MUC5AC: variants seen among roughly 807,000 people sequenced by gnomAD.
MUC5AC encodes the protein mucin 5AC, oligomeric mucus/gel-forming, also known as mucin-5AC.
A neutral mutation model predicts 169.7 loss-of-function variants in MUC5AC; 158 were observed. The ratio of observed to expected loss-of-function variants is 0.93; its 90% confidence interval spans 0.82 to 1.06. The LOEUF is 1.06. MUC5AC is among the 50% of genes least tolerant of loss of function. The pLI, the probability that MUC5AC is intolerant of heterozygous loss-of-function variation, is 0.00. For missense variants in MUC5AC, 4,359 were observed against 3,089.9 expected (o/e 1.41, Z -9.74); for synonymous variants, 1,975 against 1,237.0 (o/e 1.60, Z -12.52).
Position 1,190,886 on chromosome 11 carries a change from C to CAGCA in MUC5AC, c.12742_12745dup (p.Thr4249LysfsTer65). 1.4e-6 allele frequency: 1 copy of CAGCA among 740,346 alleles called. No homozygotes were observed. The highest frequency in any genetic ancestry group is 2.5e-6 in the Non-Finnish European group (1 of 406,040). The allele number at this position is 740,346 out of a possible 1,614,324, so 45.9% of individuals were successfully genotyped here. A position where few individuals can be genotyped will look rare whatever the true frequency, so the allele number is the denominator to read the frequency against. ...CCAGCACAACTTCTGCTCCTACAAC[C>CAGCA]AGCACAACCTCTGGTCCTGGAACTA... On this transcript the variant is annotated frameshift_variant, in exon 31 of 49. Coordinates refer to ENST00000621226, the MANE Select transcript of MUC5AC (RefSeq NM_001304359.2). LOFTEE classifies it high-confidence loss of function.
At chr11:1,192,598 G>T in intron 31 of MUC5AC, 73 bp downstream of exon 31, 1 of 732,352 alleles carries the variant, frequency 1.4e-6, no homozygotes, top group Non-Finnish European at 2.5e-6. Context: ...ACGCCAAGCT[G>T]TGATGATGAT....
At position 1,168,785 on chromosome 11, in the gene MUC5AC, AGGGCTGCCTTCT is replaced by A; in HGVS notation, c.1705+12_1705+23del. The A allele has an allele frequency of 6.3e-7, 1 of 1,593,456 alleles. No individual in the cohort carries two copies. The highest frequency in any genetic ancestry group is 1.1e-5 in the South Asian group (1 of 89,748). ...GCTCCGTGGGCAGACCTGCGGTAAG[AGGGCTGCCTTCT>A]GGGCTTGGAGCCCACCCACTCTGGC... On this transcript the variant is annotated splice_region_variant and intron_variant, in intron 14 of 48. Coordinates refer to ENST00000621226, the MANE Select transcript of MUC5AC (RefSeq NM_001304359.2).
chr11:1,180,225 T>G (rs1211076130), intron 27 of MUC5AC, 75 bp downstream of exon 27: 2 of 398,394 alleles, frequency 5.0e-6, no homozygotes, highest in African/African-American at 4.1e-5. Flanking sequence ...GAGGAGCCTC[T>G]GTGGCCCCAG....
In MUC5AC at chr11:1,194,639, C is replaced by T. The variant is rs1861213453; in HGVS notation, c.15159C>T (p.Ser5053=). ...GLIFSVEVPF[S]KFANNTEGQC... is the part of the protein sequence containing the mutation. ...TCTTCTCCGTGGAGGTGCCCTTCAG[C>T]AAGTTTGCCAACAACACCGAGGGCC... The change falls in exon 35 of 49, where the codon AGC becomes AGT. Residue 5053 remains serine (S), a synonymous_variant. Coordinates refer to ENST00000621226, the MANE Select transcript of MUC5AC (RefSeq NM_001304359.2). 3.9e-6 allele frequency: 3 copies of T among 763,280 alleles called. No individual in the cohort carries two copies. The highest frequency in any genetic ancestry group is 3.4e-5 in the African/African-American group (2 of 59,090). 47.3% of individuals were successfully genotyped at this position (763,280 alleles called of 1,614,324 possible). A position where few individuals can be genotyped will look rare whatever the true frequency, so the allele number is the denominator to read the frequency against.
At position 1,190,588 on chromosome 11, in the gene MUC5AC, GTCCTACAACCAGCACAACCTTGGC is replaced by G. The variant is rs1484042279; in HGVS notation, c.12464_12487del (p.Leu4155_Thr4162del). On this transcript the variant is annotated inframe_deletion, in exon 31 of 49. Coordinates refer to ENST00000621226, the MANE Select transcript of MUC5AC (RefSeq NM_001304359.2). Reference sequence around the variant, plus strand: ...GCTCCTACACACAGAACGACTTCTGGTCCTACAACCAGCACAACCTTGGCTCCTACAACCAGCACAACCTCTGCT... The same window carrying G: ...GCTCCTACACACAGAACGACTTCTGGTCCTACAACCAGCACAACCTCTGCT... 9.7e-5 allele frequency: 65 copies of G among 672,602 alleles called. No homozygotes were observed. Among genetic ancestry groups the G allele is most frequent in the Middle Eastern group, 7.1e-4 (3 of 4,230 alleles). The allele number at this position is 672,602 out of a possible 1,614,324, so 41.7% of individuals were successfully genotyped here.
intron 3 of MUC5AC, 104 bp downstream of exon 3, chr11:1,161,690 T>A: frequency 7.4e-7 from 1 of 1,355,196 alleles, no homozygotes; most frequent in Non-Finnish European, 1.0e-6. Flanking sequence ...GCTTTCCGGG[T>A]GAACACTGGG....
In MUC5AC at chr11:1,189,792, C is replaced by T. The variant is rs1246742752; in HGVS notation, c.11647C>T (p.His3883Tyr). The change falls in exon 31 of 49, where the codon CAT becomes TAT. Residue 3883 changes from histidine to tyrosine, a missense_variant. By Grantham distance (83) the His-to-Tyr change is moderately conservative. Coordinates refer to ENST00000621226, the MANE Select transcript of MUC5AC (RefSeq NM_001304359.2). Reference sequence around the variant, plus strand: ...CCCTACAACCAGCACAACCTCTTTCCATACAACCAGCACAACCTCTCCCCC... The same window carrying T: ...CCCTACAACCAGCACAACCTCTTTCTATACAACCAGCACAACCTCTCCCCC... ...SAPTTSTTSFHTTSTTSPPTS... is the reference protein window; with the variant it reads ...SAPTTSTTSFYTTSTTSPPTS... 4.2e-6 allele frequency: 3 copies of T among 712,168 alleles called. No homozygotes were observed. In the African/African-American group the frequency reaches 5.2e-5, roughly 12 times the overall value. The allele number at this position is 712,168 out of a possible 1,614,324, so 44.1% of individuals were successfully genotyped here.
chr11:1,185,222 C>A lies in MUC5AC; in HGVS notation c.7077C>A (p.Ala2359=). The A allele has an allele frequency of 1.4e-6, 1 of 720,660 alleles. No individual in the cohort carries two copies. Among genetic ancestry groups the A allele is most frequent in the Admixed American group, 1.9e-5 (1 of 52,476 alleles). 44.6% of individuals were successfully genotyped at this position (720,660 alleles called of 1,614,324 possible). A position where few individuals can be genotyped will look rare whatever the true frequency, so the allele number is the denominator to read the frequency against. ...SPVPTTSITS[A]PTTSTTSAPT... ...TTCCTACCACCAGCATAACCTCTGCCCCTACAACCAGCACAACCTCTGCTC... is the reference window on the plus strand; with the variant it reads ...TTCCTACCACCAGCATAACCTCTGCACCTACAACCAGCACAACCTCTGCTC... The change falls in exon 31 of 49, where the codon GCC becomes GCA. Residue 2359 remains alanine (A), a synonymous_variant. Transcript: ENST00000621226.
At chr11:1,178,927 T>A (rs1860747672) in intron 25 of MUC5AC, among the ~76,000 whole-genome samples, 165 bp from the exon 26 acceptor site, 1 of 152,006 alleles carries the variant, frequency 6.6e-6, no homozygotes, top group Non-Finnish European at 1.5e-5. Flanking sequence ...CCCCAGGCAC[T>A]GTGGATATCC....
chr11:1,185,910 A>G lies in MUC5AC; in HGVS notation c.7765A>G (p.Thr2589Ala). The change falls in exon 31 of 49, where the codon ACC becomes GCC. Residue 2589 changes from threonine to alanine, a missense_variant. Physicochemically the swap from Thr to Ala is moderately conservative, Grantham distance 58. Coordinates refer to ENST00000621226, the MANE Select transcript of MUC5AC (RefSeq NM_001304359.2). ...AACCTCTGCTCCTACAACCAGCACA[A>G]CCTCTGGTCCTGGAACTACTCCCAG... ...STTSAPTTST[T>A]SGPGTTPSAV... The G allele has an allele frequency of 1.3e-6, 1 of 745,892 alleles. No individual in the cohort carries two copies. Among genetic ancestry groups the G allele is most frequent in the Non-Finnish European group, 2.4e-6 (1 of 408,726 alleles). The allele number at this position is 745,892 out of a possible 1,614,324, so 46.2% of individuals were successfully genotyped here.
chr11:1,170,820 CCCAT>C (rs1860491098), intron 15 of MUC5AC, among the ~76,000 whole-genome samples: 1 of 150,272 alleles, frequency 6.7e-6, no homozygotes, highest in African/African-American at 2.5e-5. Flanking sequence ...CACCCATTCA[CCCAT>C]TCACCCACTC....
intron 24 of MUC5AC, among the ~76,000 whole-genome samples, chr11:1,178,093 A>G (rs1200060587): frequency 3.3e-5 from 5 of 152,076 alleles, no homozygotes; most frequent in Non-Finnish European, 7.4e-5. Flanking sequence ...TTCAGGACCC[A>G]CTCATTACCT....
Position 1,194,096 on chromosome 11 carries a change from CT to C in MUC5AC, c.14756-13del, listed in dbSNP as rs769569045. 1 of 763,300 alleles carries C rather than the reference CT, an allele frequency of 1.3e-6. No individual in the cohort carries two copies. Among genetic ancestry groups the C allele is most frequent in the East Asian group, 2.4e-5 (1 of 41,174 alleles). 47.3% of individuals were successfully genotyped at this position (763,300 alleles called of 1,614,324 possible). On this transcript the variant is annotated splice_polypyrimidine_tract_variant and intron_variant, in intron 33 of 48. Transcript: ENST00000621226. ...ACCCGAGCCACCCGTAAGGCTGCCCCTGGGGCCTGGCAGGTGTGTGCAGCGG... is the reference window on the plus strand; with the variant it reads ...ACCCGAGCCACCCGTAAGGCTGCCCCGGGGCCTGGCAGGTGTGTGCAGCGG...
chr11:1,192,074 C>T lies in MUC5AC; in HGVS notation c.13929C>T (p.Ser4643=), dbSNP rs756998712. The change falls in exon 31 of 49, where the codon TCC becomes TCT. Residue 4643 remains serine (S), a synonymous_variant. Coordinates refer to ENST00000621226, the MANE Select transcript of MUC5AC (RefSeq NM_001304359.2). ...WTKWFDVDFP[S]PGPHGGDKET... Reference sequence around the variant, plus strand: ...AGTGGTTCGACGTGGACTTCCCATCCCCTGGACCCCACGGCGGGGACAAGG... The same window carrying T: ...AGTGGTTCGACGTGGACTTCCCATCTCCTGGACCCCACGGCGGGGACAAGG... 5.2e-6 allele frequency: 4 copies of T among 765,024 alleles called. No individual in the cohort carries two copies. The highest frequency in any genetic ancestry group is 3.4e-5 in the African/African-American group (2 of 59,144). The allele number at this position is 765,024 out of a possible 1,614,324, so 47.4% of individuals were successfully genotyped here.
At position 1,187,597 on chromosome 11, in the gene MUC5AC, G is replaced by A. The variant is rs1199836469; in HGVS notation, c.9452G>A (p.Gly3151Asp). ...TSASTASKTS[G>D]PGTTPSPVPT... ...GCCTCTACAGCCAGCAAAACCTCTG[G>A]TCCTGGAACCACTCCCAGCCCTGTT... The change falls in exon 31 of 49, where the codon GGT becomes GAT. Residue 3151 changes from glycine to aspartate, a missense_variant. Coordinates refer to ENST00000621226, the MANE Select transcript of MUC5AC (RefSeq NM_001304359.2). 1 of 759,578 alleles carries A rather than the reference G, an allele frequency of 1.3e-6. No individual in the cohort carries two copies. Among genetic ancestry groups the A allele is most frequent in the African/African-American group, 1.7e-5 (1 of 58,502 alleles). The allele number at this position is 759,578 out of a possible 1,614,324, so 47.1% of individuals were successfully genotyped here. A position where few individuals can be genotyped will look rare whatever the true frequency, so the allele number is the denominator to read the frequency against.
At chr11:1,168,369 C>T in intron 12 of MUC5AC, 114 bp from the exon 13 acceptor site, 2 of 998,836 alleles carry the variant, frequency 2.0e-6, no homozygotes, top group Non-Finnish European at 1.5e-6. Flanking sequence ...CTTGTAGGAG[C>T]CGCAGCTGCA....
At position 1,190,903 on chromosome 11, in the gene MUC5AC, C is replaced by T; in HGVS notation, c.12758C>T (p.Pro4253Leu). The T allele has an allele frequency of 4.1e-6, 3 of 738,106 alleles. No homozygotes were observed. The highest frequency in any genetic ancestry group is 7.4e-6 in the Non-Finnish European group (3 of 405,358). 45.7% of individuals were successfully genotyped at this position (738,106 alleles called of 1,614,324 possible). The change falls in exon 31 of 49, where the codon CCT becomes CTT. Residue 4253 changes from proline to leucine, a missense_variant. Pro to Leu is a moderately conservative substitution (Grantham distance 98, BLOSUM62 -3). Transcript: ENST00000621226. The part of the protein sequence containing the change: ...SAPTTSTTSG[P>L]GTTPSPVPST... Reference sequence around the variant, plus strand: ...CCTACAACCAGCACAACCTCTGGTCCTGGAACTACTCCAAGCCCTGTTCCC... The same window carrying T: ...CCTACAACCAGCACAACCTCTGGTCTTGGAACTACTCCAAGCCCTGTTCCC...
Position 1,191,314 on chromosome 11 carries a change from C to A in MUC5AC, c.13169C>A (p.Thr4390Lys). Residue 4390 changes from threonine (T) to lysine (K), a missense_variant, in exon 31 of 49, where the codon ACA becomes AAA. Coordinates refer to ENST00000621226, the MANE Select transcript of MUC5AC (RefSeq NM_001304359.2). ...VPTTSTTSAP[T>K]TRTTSASTAS... ...ACCACCAGCACAACCTCTGCTCCTA[C>A]AACCAGAACAACCTCTGCCTCTACA... 1 of 749,472 alleles carries A rather than the reference C, an allele frequency of 1.3e-6. No homozygotes were observed. The highest frequency in any genetic ancestry group is 2.5e-5 in the East Asian group (1 of 40,422). 46.4% of individuals were successfully genotyped at this position (749,472 alleles called of 1,614,324 possible). A position where few individuals can be genotyped will look rare whatever the true frequency, so the allele number is the denominator to read the frequency against.
chr11:1,173,640 CCACT>C (rs1860608232), intron 16 of MUC5AC, among the ~76,000 whole-genome samples: 1 of 143,530 alleles, frequency 7.0e-6, no homozygotes. Flanking sequence ...ACTCACTCAT[CCACT>C]CACTGATTCC....
Sources: allele counts gnomAD v4.1 joint callset (sites outside exome capture counted in the v4.1 genomes callset), GRCh38; gene constraint gnomAD v4.1.1; transcripts MANE v1.5; gene names NCBI Gene and HGNC (gene_info 2026-07-23, HGNC 2026-07-21).